The following RBFOX3 variants were observed in gnomAD, a reference collection of about 807,000 sequenced individuals.
RBFOX3 encodes RNA binding fox-1 homolog 3, also known as RNA binding protein fox-1 homolog 3.
RBFOX3 carries 17 observed loss-of-function variants against 48.7 expected under a neutral mutation model. The ratio of observed to expected loss-of-function variants is 0.35; its 90% CI spans 0.24 to 0.52. RBFOX3 has a LOEUF of 0.52. Among genes scored for constraint, RBFOX3 ranks in the 20% least tolerant of loss-of-function variants. RBFOX3 has a pLI of 0.94. For synonymous variants in RBFOX3, 212 were observed against 209.5 expected, an observed-to-expected ratio of 1.01 and a Z score of -0.10; for missense variants, 382 against 497.5, an observed-to-expected ratio of 0.77 and a Z score of 2.21.
At chr17:79,409,652 G>A (rs1268147951) in intron 2 of RBFOX3, among the ~76,000 whole-genome samples, 1 of 152,238 alleles carries the variant, frequency 6.6e-6, no homozygotes, top group Non-Finnish European at 1.5e-5. Flanking sequence ...AGCAAGAAGT[G>A]AAGTGCAGGG....
At chr17:79,437,474 A>T (rs2069771440) in intron 2 of RBFOX3, among the ~76,000 whole-genome samples, 1 of 152,164 alleles carries the variant, frequency 6.6e-6, no homozygotes, top group Non-Finnish European at 1.5e-5. Flanking sequence ...CTGTGACACC[A>T]GCCCCACTCC....
chr17:79,383,105 A>G (rs1247250338), intron 2 of RBFOX3, among the ~76,000 whole-genome samples: 1 of 151,374 alleles, frequency 6.6e-6, no homozygotes, highest in Non-Finnish European at 1.5e-5. Context: ...AGCCTTCACC[A>G]GAGCCCTGGG....
chr17:79,461,958 G>A (rs373357862), intron 2 of RBFOX3, among the ~76,000 whole-genome samples: 4 of 152,270 alleles, frequency 2.6e-5, no homozygotes, highest in East Asian at 3.9e-4. Flanking sequence ...TCCTGCCAAC[G>A]GGCACCTTGA....
At chr17:79,442,528 G>A (rs1432423611) in intron 2 of RBFOX3, among the ~76,000 whole-genome samples, 5 of 152,036 alleles carry the variant, frequency 3.3e-5, no homozygotes, top group African/African-American at 4.8e-5. Context: ...TCCAAATGGC[G>A]GTGGCTGCTG....
At chr17:79,156,029 G>A (rs115982034) in intron 4 of RBFOX3, among the ~76,000 whole-genome samples, 63 of 152,344 alleles carry the variant, frequency 4.1e-4, no homozygotes, top group African/African-American at 1.2e-3. Flanking sequence ...ATCATTCAGC[G>A]GCCTCGTCCC....
intron 1 of RBFOX3, among the ~76,000 whole-genome samples, chr17:79,546,964 C>G (rs1428635394): frequency 1.3e-5 from 2 of 152,006 alleles, no homozygotes; most frequent in Admixed American, 6.6e-5. Flanking sequence ...GCCAGTGCAC[C>G]CCAGTCCCTT....
intron 3 of RBFOX3, among the ~76,000 whole-genome samples, chr17:79,271,572 G>A (rs2067711464): frequency 6.6e-6 from 1 of 152,168 alleles, no homozygotes; most frequent in African/African-American, 2.4e-5. Flanking sequence ...CTCTCTCTGA[G>A]GGCAGAGGAT....
intron 1 of RBFOX3, among the ~76,000 whole-genome samples, chr17:79,502,617 T>C (rs904933418): frequency 1.3e-5 from 2 of 152,260 alleles, no homozygotes; most frequent in Admixed American, 1.3e-4. Flanking sequence ...ATTTATCTCA[T>C]GCCCCCAGCC....
intron 2 of RBFOX3, among the ~76,000 whole-genome samples, chr17:79,403,834 C>T (rs561865126): frequency 7.2e-6 from 1 of 138,702 alleles, no homozygotes; most frequent in Non-Finnish European, 1.5e-5. Flanking sequence ...CCCAGGAGTA[C>T]AGTGGCGCGA....
chr17:79,632,742 A>G, the RBFOX3 span, among the ~76,000 whole-genome samples: 28 of 13,268 alleles, frequency 2.1e-3, no homozygotes, highest in Non-Finnish European at 3.6e-3. Context: ...CGTATCTACT[A>G]AAAAAAAAAA....
At chr17:79,340,305 A>AAT (rs2081875154) in intron 2 of RBFOX3, among the ~76,000 whole-genome samples, 2 of 150,358 alleles carry the variant, frequency 1.3e-5, no homozygotes, top group Non-Finnish European at 1.5e-5. Flanking sequence ...TCTCAAAAAA[A>AAT]AAAACAAAAA....
At chr17:79,380,359 C>G (rs1446946038) in intron 2 of RBFOX3, among the ~76,000 whole-genome samples, 1 of 152,244 alleles carries the variant, frequency 6.6e-6, no homozygotes, top group African/African-American at 2.4e-5. Flanking sequence ...TTTCAATTAT[C>G]TTCTTCACAG....
chr17:79,457,613 T>A (rs1312469742), intron 2 of RBFOX3, among the ~76,000 whole-genome samples: 1 of 152,176 alleles, frequency 6.6e-6, no homozygotes, highest in Non-Finnish European at 1.5e-5. Flanking sequence ...CCCAGGACAG[T>A]GGCAGTGTGG....
In RBFOX3 at chr17:79,421,954, C is replaced by T. The variant is rs1555722652; in HGVS notation, c.-175+60500G>A. 6.6e-6 allele frequency among the ~76,000 whole-genome samples: 1 copy of T among 152,118 alleles called. No homozygotes were observed. The highest frequency in any genetic ancestry group is 1.5e-5 in the Non-Finnish European group (1 of 68,016). On this transcript the variant is annotated intron_variant, in intron 2 of 14. Coordinates refer to ENST00000693108, the MANE Select transcript of RBFOX3 (RefSeq NM_001350451.2). The surrounding 1 kb of genome is among the most constrained non-coding windows in gnomAD (Gnocchi z 4.5). Reference sequence around the variant, plus strand: ...GTTCCACAGGCTCAGCAGCTCCCAACAGAATTCTAGGTGCTGCCCGGACGA... The same window carrying T: ...GTTCCACAGGCTCAGCAGCTCCCAATAGAATTCTAGGTGCTGCCCGGACGA...
intron 4 of RBFOX3, among the ~76,000 whole-genome samples, chr17:79,180,831 G>A (rs2051748234): frequency 6.6e-6 from 1 of 151,392 alleles, no homozygotes; most frequent in Non-Finnish European, 1.5e-5. Flanking sequence ...GAAGGAAAGT[G>A]AATGCTCAAA....
At chr17:79,464,351 C>T (rs577577070) in intron 2 of RBFOX3, among the ~76,000 whole-genome samples, 8 of 152,344 alleles carry the variant, frequency 5.3e-5, no homozygotes, top group South Asian at 4.1e-4. Context: ...TTTACGTGGA[C>T]GGGCCTTTGT....
intron 4 of RBFOX3, among the ~76,000 whole-genome samples, chr17:79,171,971 C>T (rs2049397754): frequency 6.6e-6 from 1 of 151,932 alleles, no homozygotes; most frequent in Non-Finnish European, 1.5e-5. Flanking sequence ...CAGGAGAGTT[C>T]GAGACCAGCC....
At chr17:79,237,960 A>G (rs2061837134) in intron 3 of RBFOX3, among the ~76,000 whole-genome samples, 1 of 152,126 alleles carries the variant, frequency 6.6e-6, no homozygotes, top group Admixed American at 6.5e-5. Flanking sequence ...TTTTTGAGAC[A>G]GACTCTCGCT....
chr17:79,576,431 G>C (rs2092860590), intron 1 of RBFOX3, among the ~76,000 whole-genome samples: 1 of 152,078 alleles, frequency 6.6e-6, no homozygotes, highest in Admixed American at 6.6e-5. Context: ...AGATGATGAA[G>C]AAGACGGAGA....
Sources: allele counts gnomAD v4.1 joint callset (sites outside exome capture counted in the v4.1 genomes callset), GRCh38; gene constraint gnomAD v4.1.1; non-coding constraint Gnocchi (gnomAD v3.1); transcripts MANE v1.5; gene names NCBI Gene and HGNC (gene_info 2026-07-23, HGNC 2026-07-21).